The following PLD1 variants were observed in gnomAD, a reference collection of about 807,000 sequenced individuals.
PLD1 encodes phospholipase D1.
PLD1 carries 112 observed loss-of-function variants against 137.1 expected under a neutral mutation model. The ratio of observed to expected loss-of-function variants is 0.82; its 90% CI spans 0.70 to 0.96. PLD1 has a LOEUF of 0.96. PLD1 is among the 40% of genes least tolerant of loss of function. The pLI, the probability that PLD1 is intolerant of heterozygous loss-of-function variation, is 0.00. For missense variants in PLD1, 1,321 were observed against 1,342.0 expected, an observed-to-expected ratio of 0.98 and a Z score of 0.24; for synonymous variants, 431 against 454.7, an observed-to-expected ratio of 0.95 and a Z score of 0.66.
chr3:171,668,845 T>C (rs2108456590), intron 19 of PLD1, among the ~76,000 whole-genome samples: 1 of 152,342 alleles, frequency 6.6e-6, no homozygotes, highest in South Asian at 2.1e-4. Context: ...GTCTTTATAA[T>C]ATATCTTAAA....
chr3:171,635,516 G>C (rs1159732812), intron 23 of PLD1, among the ~76,000 whole-genome samples: 1 of 152,054 alleles, frequency 6.6e-6, no homozygotes, highest in Admixed American at 6.6e-5. Context: ...CTAGTGACTA[G>C]TGATATTGAG....
intron 1 of PLD1, among the ~76,000 whole-genome samples, chr3:171,798,714 C>T (rs1723524389): frequency 6.6e-6 from 1 of 152,110 alleles, no homozygotes; most frequent in South Asian, 2.1e-4. Flanking sequence ...TATTGTTATC[C>T]TTTATTTGAT....
intron 16 of PLD1, among the ~76,000 whole-genome samples, chr3:171,683,828 C>T (rs1033189835): frequency 5.9e-5 from 9 of 152,216 alleles, no homozygotes; most frequent in African/African-American, 2.2e-4. Flanking sequence ...ATAACAGAAA[C>T]TCAATAAACA....
Position 171,621,984 on chromosome 3 carries a change from G to A in PLD1, c.2594-1464C>T, listed in dbSNP as rs2108298989. Among the ~76,000 whole-genome samples the A allele has an allele frequency of 2.6e-5, 4 of 152,192 alleles. No individual in the cohort carries two copies. In the Middle Eastern group the frequency reaches 0.01, roughly 388 times the overall value. ...CATTTTTGTTTCTCATCCTTTCACA[G>A]TGCTAAAAAAAGCTAAATAAATGTA... On this transcript the variant is annotated intron_variant, in intron 23 of 26. Transcript: ENST00000351298.
At chr3:171,639,649 AT>A (rs1284494633) in intron 23 of PLD1, among the ~76,000 whole-genome samples, 2 of 115,460 alleles carry the variant, frequency 1.7e-5, no homozygotes, top group African/African-American at 3.5e-5. Flanking sequence ...TATATTATAT[AT>A]AATATATATT....
At chr3:171,652,897 A>G (rs1472386014) in intron 21 of PLD1, among the ~76,000 whole-genome samples, 1 of 150,910 alleles carries the variant, frequency 6.6e-6, no homozygotes, top group Non-Finnish European at 1.5e-5. Flanking sequence ...TCAAAGGCAT[A>G]AGCCACAGTG....
chr3:171,712,162 T>G (rs1394138118), intron 9 of PLD1, among the ~76,000 whole-genome samples: 2 of 152,064 alleles, frequency 1.3e-5, no homozygotes, highest in Admixed American at 1.3e-4. Context: ...ATGTCAGAGG[T>G]AGATGCTGGC....
chr3:171,677,437 T>C (rs889475957), intron 17 of PLD1, 129 bp downstream of exon 17: 1 of 896,990 alleles, frequency 1.1e-6, no homozygotes, highest in Non-Finnish European at 1.7e-6. Flanking sequence ...GTCTCCAAAG[T>C]TTTAAAAAAT....
chr3:171,767,389 A>T lies in PLD1; in HGVS notation c.-31-29307T>A, dbSNP rs1051555457. 4.6e-5 allele frequency among the ~76,000 whole-genome samples: 7 copies of T among 152,204 alleles called. No individual in the cohort carries two copies. In the East Asian group the frequency reaches 1.3e-3, roughly 29 times the overall value. On this transcript the variant is annotated intron_variant, in intron 1 of 26. Coordinates refer to ENST00000351298, the MANE Select transcript of PLD1 (RefSeq NM_002662.5). ...TTACCAACCCAAGTAGAGAAAGGACACCAATGGCTTGCCTTGCTGGTTGAC... is the reference window on the plus strand; with the variant it reads ...TTACCAACCCAAGTAGAGAAAGGACTCCAATGGCTTGCCTTGCTGGTTGAC...
chr3:171,804,299 T>A (rs535501448), intron 1 of PLD1, among the ~76,000 whole-genome samples: 4 of 152,326 alleles, frequency 2.6e-5, no homozygotes, highest in Non-Finnish European at 5.9e-5. Flanking sequence ...TTACCCAAAA[T>A]GCCACAGACT....
intron 11 of PLD1, among the ~76,000 whole-genome samples, chr3:171,704,639 A>C (rs1716532456): frequency 6.6e-6 from 1 of 152,210 alleles, no homozygotes; most frequent in African/African-American, 2.4e-5. Flanking sequence ...ATAGAAAAAG[A>C]TATAAAGAAG....
At chr3:171,756,562 G>A (rs1578420685) in intron 1 of PLD1, among the ~76,000 whole-genome samples, 1 of 152,306 alleles carries the variant, frequency 6.6e-6, no homozygotes, top group Middle Eastern at 3.4e-3. Context: ...GGGAAGAAAG[G>A]ATGGAAGGGG....
In PLD1 at chr3:171,647,527, G is replaced by A. The variant is rs970969050; in HGVS notation, c.2430-2504C>T. ...TGCAATGGTGCGATCTCGGCTCACT[G>A]CAACCTCCGCCTCCCAGGTTCAAGC... On this transcript the variant is annotated intron_variant, in intron 21 of 26. Transcript: ENST00000351298. 2.0e-5 allele frequency among the ~76,000 whole-genome samples: 3 copies of A among 151,630 alleles called. No individual in the cohort carries two copies. In the South Asian group the frequency reaches 6.3e-4, roughly 32 times the overall value.
At chr3:171,714,316 T>C (rs1229811086) in intron 8 of PLD1, among the ~76,000 whole-genome samples, 1 of 152,196 alleles carries the variant, frequency 6.6e-6, no homozygotes, top group Non-Finnish European at 1.5e-5. Context: ...ACTGGAGGAA[T>C]GTCCCTAATA....
chr3:171,668,690 G>A (rs73040119), intron 19 of PLD1, among the ~76,000 whole-genome samples: 4,348 of 151,954 alleles, frequency 0.029, 153 homozygotes, highest in African/African-American at 0.084. Context: ...TTTCCATATA[G>A]GCAGGAATTC....
intron 19 of PLD1, among the ~76,000 whole-genome samples, chr3:171,662,376 G>A (rs1248264564): frequency 1.3e-5 from 2 of 152,152 alleles, no homozygotes; most frequent in African/African-American, 4.8e-5. Context: ...CTTGGATGTA[G>A]TCCATAAGGA....
At chr3:171,784,002 C>T (rs1438025303) in intron 1 of PLD1, among the ~76,000 whole-genome samples, 1 of 152,190 alleles carries the variant, frequency 6.6e-6, no homozygotes, top group Non-Finnish European at 1.5e-5. Flanking sequence ...CTTATACTCT[C>T]TGTGTCTGGA....
chr3:171,638,424 C>T (rs913381381), intron 23 of PLD1, among the ~76,000 whole-genome samples: 1 of 152,084 alleles, frequency 6.6e-6, no homozygotes, highest in African/African-American at 2.4e-5. Context: ...AATTTTTCAG[C>T]TCCATTATAA....
intron 23 of PLD1, 141 bp downstream of exon 23, chr3:171,642,699 A>G: frequency 1.7e-6 from 1 of 572,666 alleles, no homozygotes. Flanking sequence ...ATGAGAATAA[A>G]TACTTTATTA....
Sources: gnomAD v4.1 joint callset for allele counts (sites outside exome capture counted in the v4.1 genomes callset) on GRCh38, gnomAD v4.1.1 for gene constraint, MANE v1.5 for transcripts, NCBI Gene and HGNC (gene_info 2026-07-23, HGNC 2026-07-21) for gene names.